SETD6: variants seen among roughly 807,000 people sequenced by gnomAD.
SETD6 encodes the protein SET domain containing 6, protein lysine methyltransferase, also known as N-lysine methyltransferase SETD6.
Under a neutral mutation model 52.7 loss-of-function variants are expected in SETD6, and 67 were observed. That is an observed-to-expected ratio of 1.27 (90% confidence interval 1.04 to 1.56). The LOEUF (loss-of-function observed/expected upper bound fraction) is 1.56. Among genes scored for constraint, SETD6 ranks in the 40% most tolerant of loss-of-function variants. The probability of loss-of-function intolerance (pLI) is 0.00; values close to 1 mark genes in which losing one functional copy is unlikely to be tolerated. For synonymous variants in SETD6, 307 were observed against 250.2 expected, an observed-to-expected ratio of 1.23 and a Z score of -2.14; for missense variants, 712 against 607.5, an observed-to-expected ratio of 1.17 and a Z score of -1.81.
At position 58,515,526 on chromosome 16, in the gene SETD6, C is replaced by G. The variant is rs749656539; in HGVS notation, c.-12C>G. 2 of 1,582,968 alleles carry G rather than the reference C, an allele frequency of 1.3e-6. No individual in the cohort carries two copies. Among genetic ancestry groups the G allele is most frequent in the African/African-American group, 2.8e-5 (2 of 72,716 alleles). ...CGGTGCGCCGGCCCGCGAGGAAACG[C>G]GCTCTTAGACCATGGCGACCCAGGC... On this transcript the variant is annotated 5_prime_UTR_variant, in exon 1 of 8. Transcript: ENST00000219315.
chr16:58,517,340 T>C (rs1053413307), intron 5 of SETD6: 38 of 241,990 alleles, frequency 1.6e-4, no homozygotes, highest in Non-Finnish European at 2.8e-4. Flanking sequence ...GATATAAAGC[T>C]GTGTTTATAC....
rs1407398098 is a variant in SETD6 at position 58,523,348 on chromosome 16, A to T, written c.*4319A>T. On this transcript the variant is annotated 3_prime_UTR_variant, in exon 8 of 8. Coordinates refer to ENST00000219315, the MANE Select transcript of SETD6 (RefSeq NM_001160305.4). ...GGGAGGAGATCCTTTTGAAGCATTT[A>T]AAAAATAAGCTGCTCGCTTACCTTG... 1 of 1,560,064 alleles carries T rather than the reference A, an allele frequency of 6.4e-7. No homozygotes were observed. Among genetic ancestry groups the T allele is most frequent in the Non-Finnish European group, 8.7e-7 (1 of 1,153,206 alleles).
rs1197896179 is a variant in SETD6 at position 58,518,135 on chromosome 16, C to T, written c.877C>T (p.Leu293=). The part of the protein sequence containing the change: ...NTYGQMANWQ[L]IHMYGFVEPY... ...TTATGGGCAAATGGCTAACTGGCAA[C>T]TGATTCATATGTACGGTTTTGTTGA... The change falls in exon 6 of 8, where the codon CTG becomes TTG. Residue 293 remains leucine (L), a synonymous_variant. Coordinates refer to ENST00000219315, the MANE Select transcript of SETD6 (RefSeq NM_001160305.4). 1.2e-6 allele frequency: 2 copies of T among 1,614,210 alleles called. No homozygotes were observed. The highest frequency in any genetic ancestry group is 1.6e-4 in the Middle Eastern group (1 of 6,062).
intron 4 of SETD6, 26 bp downstream of exon 4, chr16:58,516,698 G>C (rs368354133): frequency 1.2e-5 from 20 of 1,609,896 alleles, no homozygotes; most frequent in Non-Finnish European, 1.6e-5. Flanking sequence ...CTCTGAGGAC[G>C]GAACCCTTTT....
intron 1 of SETD6, 74 bp from the exon 2 acceptor site, chr16:58,515,717 C>A: frequency 7.1e-7 from 1 of 1,402,170 alleles, no homozygotes; most frequent in Non-Finnish European, 9.2e-7. Flanking sequence ...GTTCTGCGCT[C>A]GCGCCGCGGT....
chr16:58,519,135 A>C lies in SETD6; in HGVS notation c.*106A>C. 8.4e-7 allele frequency: 1 copy of C among 1,183,446 alleles called. No individual in the cohort carries two copies. Among genetic ancestry groups the C allele is most frequent in the Non-Finnish European group, 1.2e-6 (1 of 866,116 alleles). 73.3% of individuals were successfully genotyped at this position (1,183,446 alleles called of 1,614,324 possible). A position where few individuals can be genotyped will look rare whatever the true frequency, so the allele number is the denominator to read the frequency against. ...ATTTGGATCTTTCTTTTGCTTACTAAACACCAAGAGGAAAAGTAGCAAAGT... is the reference window on the plus strand; with the variant it reads ...ATTTGGATCTTTCTTTTGCTTACTACACACCAAGAGGAAAAGTAGCAAAGT... On this transcript the variant is annotated 3_prime_UTR_variant, in exon 8 of 8. Transcript: ENST00000219315.
At chr16:58,515,504 T>A, upstream of SETD6, 2 of 1,571,966 alleles carry the variant, frequency 1.3e-6, no homozygotes, top group Non-Finnish European at 1.7e-6. Context: ...GACCGCGCGG[T>A]GCGCCGGCCC....
At position 58,522,490 on chromosome 16, in the gene SETD6, A is replaced by G. The variant is rs896131860; in HGVS notation, c.*3461A>G. On this transcript the variant is annotated 3_prime_UTR_variant, in exon 8 of 8. Transcript: ENST00000219315. ...AGTACACAAATCAAAGGAATACCATATTTAGCACCATAGGTGACTAATTAG... is the reference window on the plus strand; with the variant it reads ...AGTACACAAATCAAAGGAATACCATGTTTAGCACCATAGGTGACTAATTAG... Among the ~76,000 whole-genome samples, 1 of 118,966 alleles carries G rather than the reference A, an allele frequency of 8.4e-6. No homozygotes were observed. The highest frequency in any genetic ancestry group is 8.9e-5 in the Admixed American group (1 of 11,226). 78.0% of individuals were successfully genotyped at this position (118,966 alleles called of 152,430 possible). A position where few individuals can be genotyped will look rare whatever the true frequency, so the allele number is the denominator to read the frequency against.
rs2039448729 is a variant in SETD6 at position 58,522,783 on chromosome 16, A to T, written c.*3754A>T. ...CACCTCAGAGAAACTCCTGACCTTT[A>T]ATCAAAATGTGCCTTGTGGTAAACT... On this transcript the variant is annotated 3_prime_UTR_variant, in exon 8 of 8. Coordinates refer to ENST00000219315, the MANE Select transcript of SETD6 (RefSeq NM_001160305.4). Among the ~76,000 whole-genome samples the T allele has an allele frequency of 1.3e-5, 2 of 152,236 alleles. No homozygotes were observed. Among genetic ancestry groups the T allele is most frequent in the African/African-American group, 4.8e-5 (2 of 41,468 alleles).
chr16:58,519,072 T>G lies in SETD6; in HGVS notation c.*43T>G. ...GAAGGAACAGCAATAAGAACTTTAT[T>G]CTAAGCTAATACTCATTGATGTTTG... On this transcript the variant is annotated 3_prime_UTR_variant, in exon 8 of 8. Transcript: ENST00000219315. The G allele has an allele frequency of 6.5e-7, 1 of 1,539,024 alleles. No individual in the cohort carries two copies. Among genetic ancestry groups the G allele is most frequent in the Non-Finnish European group, 8.8e-7 (1 of 1,139,662 alleles).
chr16:58,523,689 GAAATTAGATTTTAAAAATATTCATTTTTA>G lies in SETD6; in HGVS notation c.*4664_*4692del. On this transcript the variant is annotated 3_prime_UTR_variant, in exon 8 of 8. Coordinates refer to ENST00000219315, the MANE Select transcript of SETD6 (RefSeq NM_001160305.4). ...TTTTATTTCAGAATTTTCCACATTA[GAAATTAGATTTTAAAAATATTCATTTTTA>G]AAAACAGACCCACTATGTGCTAATG... 1 of 468,092 alleles carries G rather than the reference GAAATTAGATTTTAAAAATATTCATTTTTA, an allele frequency of 2.1e-6. No individual in the cohort carries two copies. Among genetic ancestry groups the G allele is most frequent in the South Asian group, 4.8e-5 (1 of 20,980 alleles). The allele number at this position is 468,092 out of a possible 1,614,324, so 29.0% of individuals were successfully genotyped here.
Position 58,515,797 on chromosome 16 carries a change from G to A in SETD6, c.34G>A (p.Gly12Arg). 1 of 1,512,858 alleles carries A rather than the reference G, an allele frequency of 6.6e-7. No individual in the cohort carries two copies. Among genetic ancestry groups the A allele is most frequent in the Non-Finnish European group, 8.8e-7 (1 of 1,139,560 alleles). 93.7% of individuals were successfully genotyped at this position (1,512,858 alleles called of 1,614,324 possible). A position where few individuals can be genotyped will look rare whatever the true frequency, so the allele number is the denominator to read the frequency against. Residue 12 changes from glycine to arginine, a missense_variant, in exon 2 of 8, where the codon GGG (glycine) becomes AGG (arginine). Physicochemically the swap from Gly to Arg is moderately radical, Grantham distance 125. Coordinates refer to ENST00000219315, the MANE Select transcript of SETD6 (RefSeq NM_001160305.4). The part of the protein sequence containing the change: ...ATQAKRPRVA[G>R]PVDGGDLDPV... ...CTGCGCGCACTTATCTCAGGTGGCG[G>A]GGCCCGTGGACGGCGGCGACCTGGA...
At chr16:58,516,721 A>C (rs373855165) in intron 4 of SETD6, 49 bp downstream of exon 4, 1 of 1,610,022 alleles carries the variant, frequency 6.2e-7, no homozygotes. Context: ...TTACAACTCT[A>C]TAGAGGGACA....
chr16:58,516,935 G>A lies in SETD6; in HGVS notation c.792+7G>A, dbSNP rs779926228. 5 of 1,614,170 alleles carry A rather than the reference G, an allele frequency of 3.1e-6. No homozygotes were observed. Among genetic ancestry groups the A allele is most frequent in the Non-Finnish European group, 4.2e-6 (5 of 1,180,018 alleles). On this transcript the variant is annotated splice_region_variant and intron_variant, in intron 5 of 7. Coordinates refer to ENST00000219315, the MANE Select transcript of SETD6 (RefSeq NM_001160305.4). ...CAATCTAGAATACTCTGCGGTGAGT[G>A]GAGTTTCTCTTGGTGCACTGATTGA...
At position 58,518,874 on chromosome 16, in the gene SETD6, A is replaced by C; in HGVS notation, c.1267A>C (p.Thr423Pro). 1 of 1,614,206 alleles carries C rather than the reference A, an allele frequency of 6.2e-7. No individual in the cohort carries two copies. The highest frequency in any genetic ancestry group is 8.5e-7 in the Non-Finnish European group (1 of 1,180,034). The change falls in exon 8 of 8, where the codon ACT becomes CCT. Residue 423 changes from threonine to proline, a missense_variant. Transcript: ENST00000219315. ...GCTGCTTCAAAACAGTGTTCTACTGACTTTGCAGACCTATGCCACAGACTT... is the reference window on the plus strand; with the variant it reads ...GCTGCTTCAAAACAGTGTTCTACTGCCTTTGCAGACCTATGCCACAGACTT... ...RQLLQNSVLL[T>P]LQTYATDLKT...
Position 58,521,325 on chromosome 16 carries a change from A to G in SETD6, c.*2296A>G, listed in dbSNP as rs1567381268. Reference sequence around the variant, plus strand: ...AACCGTTCCAAGAGAACTCTGGAAAAAGGGAGAAAGAGCTAGTTAATGTAT... The same window carrying G: ...AACCGTTCCAAGAGAACTCTGGAAAGAGGGAGAAAGAGCTAGTTAATGTAT... On this transcript the variant is annotated 3_prime_UTR_variant, in exon 8 of 8. Coordinates refer to ENST00000219315, the MANE Select transcript of SETD6 (RefSeq NM_001160305.4). 1 of 1,595,212 alleles carries G rather than the reference A, an allele frequency of 6.3e-7. No individual in the cohort carries two copies. Among genetic ancestry groups the G allele is most frequent in the Admixed American group, 1.9e-5 (1 of 54,018 alleles).
Position 58,516,059 on chromosome 16 carries a change from CG to C in SETD6, c.297del (p.Gln100SerfsTer111). 3 of 1,501,956 alleles carry C rather than the reference CG, an allele frequency of 2.0e-6. No homozygotes were observed. The highest frequency in any genetic ancestry group is 2.6e-6 in the Non-Finnish European group (3 of 1,136,748). 93.0% of individuals were successfully genotyped at this position (1,501,956 alleles called of 1,614,324 possible). On this transcript the variant is annotated frameshift_variant, in exon 2 of 8. Coordinates refer to ENST00000219315, the MANE Select transcript of SETD6 (RefSeq NM_001160305.4). LOFTEE classifies it high-confidence loss of function. ...GTGGTGCCGCGGGCCGCGCTCCTGTCGCAGCACACCTGCTCCATCGGCGGCC... is the reference window on the plus strand; with the variant it reads ...GTGGTGCCGCGGGCCGCGCTCCTGTCCAGCACACCTGCTCCATCGGCGGCC... ...LFVVPRAALL[S>X]QHTCSIGGLL...
chr16:58,515,508 C>G (rs1445776192), upstream of SETD6: 5 of 1,574,538 alleles, frequency 3.2e-6, no homozygotes, highest in Non-Finnish European at 4.3e-6. Flanking sequence ...GCGCGGTGCG[C>G]CGGCCCGCGA....
rs561250091 is a variant in SETD6, at chr16:58,522,044, G to T, written c.*3015G>T. Among the ~76,000 whole-genome samples the T allele has an allele frequency of 3.6e-4, 55 of 151,742 alleles. No homozygotes were observed. The highest frequency in any genetic ancestry group is 7.1e-4 in the Non-Finnish European group (48 of 67,932). On this transcript the variant is annotated 3_prime_UTR_variant, in exon 8 of 8. Coordinates refer to ENST00000219315, the MANE Select transcript of SETD6 (RefSeq NM_001160305.4). Reference sequence around the variant, plus strand: ...TAAGTATTCTAACACTGCAGGCTGGGCACAGTGACTCACGCCTGTAATCCC... The same window carrying T: ...TAAGTATTCTAACACTGCAGGCTGGTCACAGTGACTCACGCCTGTAATCCC...
Sources: allele counts gnomAD v4.1 joint callset (sites outside exome capture counted in the v4.1 genomes callset), GRCh38; gene constraint gnomAD v4.1.1; transcripts MANE v1.5; gene names NCBI Gene and HGNC (gene_info 2026-07-23, HGNC 2026-07-21).